Variants in OXSR1 observed in about 807,000 individuals in gnomAD.
The protein encoded by OXSR1 is serine/threonine-protein kinase OSR1.
Under a neutral mutation model 79.8 loss-of-function variants are expected in OXSR1, and 24 were observed. The ratio of observed to expected loss-of-function variants is 0.30; its 90% CI spans 0.22 to 0.42. The LOEUF (loss-of-function observed/expected upper bound fraction) is 0.42, where lower values mean the gene tolerates loss of function less well. OXSR1 is among the 10% of genes least tolerant of loss of function. The pLI is 1.00. For synonymous variants in OXSR1, 226 were observed against 209.2 expected, an observed-to-expected ratio of 1.08 and a Z score of -0.69; for missense variants, 430 against 618.4, an observed-to-expected ratio of 0.70 and a Z score of 3.23.
chr3:38,164,991 C>G (rs1362391538), upstream of OXSR1: 5 of 152,320 alleles, frequency 3.3e-5, no homozygotes, highest in Non-Finnish European at 5.9e-5. Context: ...GGTTTCTCCA[C>G]ACCCTGTAGA....
chr3:38,219,754 G>A (rs902794432), intron 5 of OXSR1, among the ~76,000 whole-genome samples: 9 of 150,716 alleles, frequency 6.0e-5, no homozygotes, highest in African/African-American at 2.0e-4. Flanking sequence ...GATATTTCCC[G>A]GTTTAGGAGT....
At chr3:38,165,989 G>C in intron 1 of OXSR1, 43 bp downstream of exon 1, 1 of 1,558,498 alleles carries the variant, frequency 6.4e-7, no homozygotes, top group Non-Finnish European at 8.8e-7. Context: ...GGCGCTGGGA[G>C]GCGGGGGACA....
intron 4 of OXSR1, among the ~76,000 whole-genome samples, chr3:38,202,212 A>AG (rs1235415189): frequency 1.3e-5 from 2 of 152,230 alleles, no homozygotes; most frequent in African/African-American, 4.8e-5. Context: ...GGTAGAGTGG[A>AG]GGACGGGGTC....
At chr3:38,170,393 T>C (rs1409757026) in intron 1 of OXSR1, among the ~76,000 whole-genome samples, 4 of 152,220 alleles carry the variant, frequency 2.6e-5, no homozygotes, top group African/African-American at 9.7e-5. Flanking sequence ...AGTTTTGAAT[T>C]TTGATGTTTA....
intron 3 of OXSR1, among the ~76,000 whole-genome samples, chr3:38,196,319 A>G (rs1350290829): frequency 6.6e-6 from 1 of 152,062 alleles, no homozygotes; most frequent in African/African-American, 2.4e-5. Context: ...TAATTTTGAT[A>G]TTTGAGGATG....
chr3:38,179,401 A>G (rs1035602509), intron 1 of OXSR1, among the ~76,000 whole-genome samples: 1 of 152,066 alleles, frequency 6.6e-6, no homozygotes, highest in Non-Finnish European at 1.5e-5. Flanking sequence ...TCCTGGACTC[A>G]AGCAGTCCTC....
intron 2 of OXSR1, among the ~76,000 whole-genome samples, chr3:38,189,071 T>A (rs1321473292): frequency 6.6e-6 from 1 of 152,158 alleles, no homozygotes; most frequent in Admixed American, 6.5e-5. Flanking sequence ...ATGTCTTAGG[T>A]ATGTCATCAT....
At chr3:38,164,290 C>G (rs1015482937), upstream of OXSR1, among the ~76,000 whole-genome samples, 1 of 152,132 alleles carries the variant, frequency 6.6e-6, no homozygotes, top group African/African-American at 2.4e-5. Flanking sequence ...GGATTACAGG[C>G]GCCAGCCACC....
intron 8 of OXSR1, among the ~76,000 whole-genome samples, chr3:38,226,270 A>G (rs1702687279): frequency 6.6e-6 from 1 of 152,064 alleles, no homozygotes; most frequent in Admixed American, 6.6e-5. Flanking sequence ...CACAAGCAGA[A>G]GGATTAGTGC....
intron 12 of OXSR1, 130 bp downstream of exon 12, chr3:38,242,908 A>G: frequency 2.1e-6 from 1 of 467,212 alleles, no homozygotes; most frequent in Non-Finnish European, 3.9e-6. Flanking sequence ...TCGAATTTTA[A>G]AAGTTGGCGT....
intron 1 of OXSR1, among the ~76,000 whole-genome samples, chr3:38,173,781 T>C (rs536182043): frequency 3.3e-5 from 5 of 152,356 alleles, no homozygotes; most frequent in Non-Finnish European, 7.3e-5. Flanking sequence ...GGCACTGTTC[T>C]GGATGCTGGA....
intron 5 of OXSR1, among the ~76,000 whole-genome samples, chr3:38,220,091 G>A (rs1702559323): frequency 6.6e-6 from 1 of 151,806 alleles, no homozygotes; most frequent in African/African-American, 2.4e-5. Flanking sequence ...ACAGAAATGA[G>A]CCACTGTGCC....
Position 38,202,320 on chromosome 3 carries a change from G to A in OXSR1, c.434+3457G>A, listed in dbSNP as rs140651206. 8.7e-3 allele frequency among the ~76,000 whole-genome samples: 1,327 copies of A among 152,308 alleles called. 7 individuals are homozygous for A. The highest frequency in any genetic ancestry group is 0.014 in the Non-Finnish European group (967 of 68,022). On this transcript the variant is annotated intron_variant, in intron 4 of 17. Coordinates refer to ENST00000311806, the MANE Select transcript of OXSR1 (RefSeq NM_005109.3). Reference sequence around the variant, plus strand: ...GATGACTTGGAAAGCAAGACTTAATGAACAACAAAGAGAGAGAGAAAGTAT... The same window carrying A: ...GATGACTTGGAAAGCAAGACTTAATAAACAACAAAGAGAGAGAGAAAGTAT...
chr3:38,196,419 A>C (rs1423923633), intron 3 of OXSR1, among the ~76,000 whole-genome samples: 1 of 152,182 alleles, frequency 6.6e-6, no homozygotes, highest in Non-Finnish European at 1.5e-5. Flanking sequence ...CAGGACCAGT[A>C]TCTCTCAGTT....
chr3:38,175,405 T>G (rs546783156), intron 1 of OXSR1, among the ~76,000 whole-genome samples: 117 of 152,244 alleles, frequency 7.7e-4, no homozygotes, highest in African/African-American at 1.5e-3. Flanking sequence ...GTTCAAGCCA[T>G]CCTCCCACCT....
Position 38,217,280 on chromosome 3 carries a change from G to A in OXSR1, c.490+1129G>A, listed in dbSNP as rs56660816. On this transcript the variant is annotated intron_variant, in intron 5 of 17. Coordinates refer to ENST00000311806, the MANE Select transcript of OXSR1 (RefSeq NM_005109.3). ...TTGACAGTACTAATTGTTGGTGTGG[G>A]TATAAAGCAAGGAAAAAAATCTCAT... Among the ~76,000 whole-genome samples the A allele has an allele frequency of 5.5e-3, 843 of 152,226 alleles. 6 individuals carry two copies. Among genetic ancestry groups the A allele is most frequent in the African/African-American group, 0.019 (802 of 41,514 alleles).
intron 5 of OXSR1, among the ~76,000 whole-genome samples, chr3:38,218,943 A>C (rs1242409848): frequency 6.6e-6 from 1 of 152,178 alleles, no homozygotes; most frequent in Admixed American, 6.5e-5. Context: ...CATAATAGGC[A>C]CCAAAGTCCA....
intron 4 of OXSR1, among the ~76,000 whole-genome samples, chr3:38,203,300 G>T (rs1559510531): frequency 6.6e-6 from 1 of 152,010 alleles, no homozygotes; most frequent in Non-Finnish European, 1.5e-5. Flanking sequence ...TCCTTACCCT[G>T]CCCCCCTTGT....
Position 38,252,290 on chromosome 3 carries a change from CT to C in OXSR1, c.1445-36del, listed in dbSNP as rs770814949. The C allele has an allele frequency of 1.2e-5, 17 of 1,407,226 alleles. No individual in the cohort carries two copies. In the Admixed American group the frequency reaches 2.8e-4, roughly 24 times the overall value. The allele number at this position is 1,407,226 out of a possible 1,614,324, so 87.2% of individuals were successfully genotyped here. A position where few individuals can be genotyped will look rare whatever the true frequency, so the allele number is the denominator to read the frequency against. ...TATGGTTGAAAGTGGATTTATGTAA[CT>C]TCTCATTCATTACCTTCTCTGTTTG... On this transcript the variant is annotated intron_variant, in intron 16 of 17. Transcript: ENST00000311806.
Sources: allele counts gnomAD v4.1 joint callset (sites outside exome capture counted in the v4.1 genomes callset), GRCh38; gene constraint gnomAD v4.1.1; transcripts MANE v1.5; gene names NCBI Gene and HGNC (gene_info 2026-07-23, HGNC 2026-07-21).